Variants in TTC28 observed in about 807,000 individuals in gnomAD.
The protein encoded by TTC28 is tetratricopeptide repeat domain 28, also known as tetratricopeptide repeat protein 28.
In TTC28, 61 loss-of-function variants were observed where a neutral mutation model predicts 198.0. The ratio of observed to expected loss-of-function variants is 0.31; its 90% CI spans 0.25 to 0.38. TTC28 has a LOEUF of 0.38. Among genes scored for constraint, TTC28 ranks in the 10% least tolerant of loss-of-function variants. The pLI, the probability that TTC28 is intolerant of heterozygous loss-of-function variation, is 1.00. For synonymous variants in TTC28, 1,171 were observed against 1,297.8 expected (o/e 0.90, Z 2.10); for missense variants, 2,678 against 3,164.0 (o/e 0.85, Z 3.69).
At chr22:27,995,378 G>A in intron 17 of TTC28, among the ~76,000 whole-genome samples, 1 of 152,220 alleles carries the variant, frequency 6.6e-6, no homozygotes, top group East Asian at 1.9e-4. Flanking sequence ...GATGTGGGGT[G>A]GGCCAGGGCT....
At chr22:28,196,295 G>A (rs1030747723) in intron 5 of TTC28, among the ~76,000 whole-genome samples, 1 of 151,990 alleles carries the variant, frequency 6.6e-6, no homozygotes. Context: ...TTCAAGATGG[G>A]ATAAAAGACT....
chr22:28,590,058 A>C (rs1358976770), intron 2 of TTC28, among the ~76,000 whole-genome samples: 1 of 139,222 alleles, frequency 7.2e-6, no homozygotes, highest in Non-Finnish European at 1.6e-5. Flanking sequence ...AAAAAAAAAA[A>C]AAAACACAGA....
intron 2 of TTC28, among the ~76,000 whole-genome samples, chr22:28,330,378 C>T (rs1006726816): frequency 6.6e-6 from 1 of 152,126 alleles, no homozygotes; most frequent in Non-Finnish European, 1.5e-5. Context: ...ACTGGGGCCT[C>T]GATTGGCTGA....
intron 1 of TTC28, among the ~76,000 whole-genome samples, chr22:28,670,659 T>C (rs2051863567): frequency 6.6e-6 from 1 of 150,826 alleles, no homozygotes; most frequent in South Asian, 2.1e-4. Context: ...AACATTCATG[T>C]TCACACAAGT....
chr22:28,392,528 G>A (rs1185335253), intron 2 of TTC28, among the ~76,000 whole-genome samples: 4 of 152,194 alleles, frequency 2.6e-5, no homozygotes, highest in South Asian at 2.1e-4. Flanking sequence ...AGCCAGGTGC[G>A]GGATATAATC....
At chr22:27,987,592 C>T (rs1287669590) in intron 21 of TTC28, among the ~76,000 whole-genome samples, 3 of 152,072 alleles carry the variant, frequency 2.0e-5, no homozygotes, top group Admixed American at 6.5e-5. Context: ...ATTAGCTGGG[C>T]GTGGGTGGTG....
chr22:28,427,616 G>A (rs926465302), intron 2 of TTC28, among the ~76,000 whole-genome samples: 2 of 152,152 alleles, frequency 1.3e-5, no homozygotes. Context: ...TCGCGCCACC[G>A]CACTCTAGCC....
chr22:28,059,085 G>A (rs993190318), intron 12 of TTC28, among the ~76,000 whole-genome samples: 2 of 151,566 alleles, frequency 1.3e-5, no homozygotes, highest in South Asian at 2.1e-4. Context: ...TTGTTTCTCC[G>A]TTTTCTCTTT....
At chr22:28,393,277 C>A (rs2046763703) in intron 2 of TTC28, among the ~76,000 whole-genome samples, 1 of 151,724 alleles carries the variant, frequency 6.6e-6, no homozygotes, top group South Asian at 2.1e-4. Flanking sequence ...TCTTTTACAA[C>A]ACAAGCTTTC....
chr22:27,997,048 G>T (rs1937565857), intron 16 of TTC28, among the ~76,000 whole-genome samples: 1 of 152,242 alleles, frequency 6.6e-6, no homozygotes, highest in Non-Finnish European at 1.5e-5. Context: ...AGTAGGTTTT[G>T]TGGGATGCTG....
chr22:28,552,127 G>A (rs1040668980), intron 2 of TTC28, among the ~76,000 whole-genome samples: 1 of 151,842 alleles, frequency 6.6e-6, no homozygotes, highest in African/African-American at 2.4e-5. Flanking sequence ...CCCCCTTCAC[G>A]ATAACCACAA....
At chr22:28,168,270 C>A (rs563858807) in intron 5 of TTC28, among the ~76,000 whole-genome samples, 1 of 152,262 alleles carries the variant, frequency 6.6e-6, no homozygotes, top group South Asian at 2.1e-4. Context: ...AGATTCAAGG[C>A]CATCCCCATC....
intron 2 of TTC28, among the ~76,000 whole-genome samples, chr22:28,627,080 T>C (rs2051087544): frequency 6.6e-6 from 1 of 152,140 alleles, no homozygotes; most frequent in Non-Finnish European, 1.5e-5. Context: ...TCCATATTTA[T>C]AAGGCTCACT....
chr22:28,485,564 G>A (rs2048305401), intron 2 of TTC28, among the ~76,000 whole-genome samples: 1 of 152,026 alleles, frequency 6.6e-6, no homozygotes, highest in South Asian at 2.1e-4. Context: ...CATTGATATG[G>A]GAGATGATTG....
rs1028106277 is a variant in TTC28, at chr22:27,982,333, G to A, written c.7334C>T (p.Pro2445Leu). The stretch of plus-strand genomic sequence containing the variant: ...TGTGGCGGGAGGGCCGGCGGGCAGC[G>A]GCAGTGAGCCCAGCGAGGTGGTCTC... ...RTETTSLGSL[P>L]LPAGPPATAP... The change falls in exon 23 of 23, where the codon CCG becomes CTG. Residue 2445 changes from proline (P) to leucine (L), a missense_variant. Coordinates refer to ENST00000397906, the MANE Select transcript of TTC28 (RefSeq NM_001145418.2). This position sits in a 1 kb window ranked among gnomAD's most constrained non-coding sequence, Gnocchi z 5.2. The A allele has an allele frequency of 2.3e-5, 35 of 1,535,576 alleles. No individual in the cohort carries two copies. Among genetic ancestry groups the A allele is most frequent in the African/African-American group, 5.5e-5 (4 of 72,606 alleles).
chr22:28,647,653 C>A (rs2051491128), intron 1 of TTC28, among the ~76,000 whole-genome samples: 1 of 151,542 alleles, frequency 6.6e-6, no homozygotes, highest in Non-Finnish European at 1.5e-5. Flanking sequence ...TCCTGGCCAA[C>A]ACGGTGAAAC....
At chr22:28,344,968 T>TGA (rs773140000) in intron 2 of TTC28, among the ~76,000 whole-genome samples, 3 of 152,188 alleles carry the variant, frequency 2.0e-5, no homozygotes, top group Non-Finnish European at 2.9e-5. Flanking sequence ...GTGAAGGAGA[T>TGA]GAGATTCAGA....
chr22:28,454,798 T>C (rs2047833695), intron 2 of TTC28, among the ~76,000 whole-genome samples: 1 of 152,208 alleles, frequency 6.6e-6, no homozygotes, highest in Non-Finnish European at 1.5e-5. Context: ...TACAATCTTA[T>C]TTGTCAAAAC....
intron 2 of TTC28, among the ~76,000 whole-genome samples, chr22:28,560,558 C>T (rs574963781): frequency 1.3e-5 from 2 of 152,080 alleles, no homozygotes; most frequent in African/African-American, 4.8e-5. Flanking sequence ...CATACATAAT[C>T]ATTCCCACCC....
Sources: gnomAD v4.1 joint callset for allele counts (sites outside exome capture counted in the v4.1 genomes callset) on GRCh38, gnomAD v4.1.1 for gene constraint, Gnocchi (gnomAD v3.1) non-coding constraint, MANE v1.5 for transcripts, NCBI Gene and HGNC (gene_info 2026-07-23, HGNC 2026-07-21) for gene names.